Variants in TEAD3 observed in about 807,000 individuals in gnomAD.
TEAD3 encodes the protein transcriptional enhancer factor TEF-5.
In TEAD3, 15 loss-of-function variants were observed where a neutral mutation model predicts 55.6. The ratio of observed to expected loss-of-function variants is 0.27; its 90% confidence interval spans 0.18 to 0.42. The LOEUF is 0.42. TEAD3 is among the 10% of genes least tolerant of loss of function. The pLI, the probability that TEAD3 is intolerant of heterozygous loss-of-function variation, is 1.00. For missense variants in TEAD3, 407 were observed against 576.8 expected (o/e 0.71, Z 3.01); for synonymous variants, 210 against 232.2 (o/e 0.90, Z 0.87).
rs1478857664 is a variant in TEAD3 at position 35,486,580 on chromosome 6, T to C, written c.83A>G (p.Asp28Gly). 1.2e-6 allele frequency: 2 copies of C among 1,613,444 alleles called. No homozygotes were observed. The highest frequency in any genetic ancestry group is 1.3e-5 in the African/African-American group (1 of 74,942). The stretch of plus-strand genomic sequence containing the variant: ...GCTCCACACGCCCTCCGCATCGTTG[T>C]CCAGCCCCTTGTCCAGGCCCTCGGG... Residue 28 changes from aspartate (D) to glycine (G), a missense_variant, in exon 2 of 13, where the codon GAC becomes GGC. By Grantham distance (94) the Asp-to-Gly change is moderately conservative. Coordinates refer to ENST00000639578, the Ensembl canonical transcript of TEAD3. This position sits in a 1 kb window ranked among gnomAD's most constrained non-coding sequence, Gnocchi z 7.3.
In TEAD3 at chr6:35,484,720, C is replaced by T; in HGVS notation, c.203-96G>A. ...ACCGGGAAGCCACTCCAGGACCCTCCCCAAAACACTGCTCTTCTGTTCCTC... is the reference window on the plus strand; with the variant it reads ...ACCGGGAAGCCACTCCAGGACCCTCTCCAAAACACTGCTCTTCTGTTCCTC... On this transcript the variant is annotated intron_variant, in intron 2 of 12. Coordinates refer to ENST00000639578, the Ensembl canonical transcript of TEAD3. The surrounding 1 kb of genome is among the most constrained non-coding windows in gnomAD (Gnocchi z 5.8). 1 of 1,025,798 alleles carries T rather than the reference C, an allele frequency of 9.7e-7. No individual in the cohort carries two copies. Among genetic ancestry groups the T allele is most frequent in the Non-Finnish European group, 1.5e-6 (1 of 673,174 alleles). 63.5% of individuals were successfully genotyped at this position (1,025,798 alleles called of 1,614,324 possible).
At chr6:35,473,748 A>G (rs1423700958), downstream of TEAD3, 1 of 152,176 alleles carries the variant, frequency 6.6e-6, no homozygotes, top group Non-Finnish European at 1.5e-5. Flanking sequence ...ACAAAAAAAT[A>G]TATAATATAC....
In TEAD3 at chr6:35,483,974, GT is replaced by G. The variant is rs1768315561; in HGVS notation, c.267+585del. 6.6e-6 allele frequency among the ~76,000 whole-genome samples: 1 copy of G among 152,132 alleles called. No homozygotes were observed. The highest frequency in any genetic ancestry group is 6.5e-5 in the Admixed American group (1 of 15,278). ...CTGTATGGGTTTACCATGATTATTA[GT>G]TGTATATCCAACTTCCTCAGCCTGG... On this transcript the variant is annotated intron_variant, in intron 3 of 12. Transcript: ENST00000639578. The surrounding 1 kb of genome is among the most constrained non-coding windows in gnomAD (Gnocchi z 4.5).
chr6:35,480,662 T>C (rs1220474985), intron 3 of TEAD3, among the ~76,000 whole-genome samples: 2 of 152,160 alleles, frequency 1.3e-5, no homozygotes, highest in Non-Finnish European at 1.5e-5. Context: ...TTCTGTTCTC[T>C]TTTTGGTCTT....
chr6:35,475,014 C>G lies in TEAD3; in HGVS notation c.*30G>C. 1 of 1,503,500 alleles carries G rather than the reference C, an allele frequency of 6.7e-7. No homozygotes were observed. The highest frequency in any genetic ancestry group is 8.9e-7 in the Non-Finnish European group (1 of 1,117,550). 93.1% of individuals were successfully genotyped at this position (1,503,500 alleles called of 1,614,324 possible). A position where few individuals can be genotyped will look rare whatever the true frequency, so the allele number is the denominator to read the frequency against. On this transcript the variant is annotated 3_prime_UTR_variant, in exon 13 of 13. Transcript: ENST00000639578. This position sits in a 1 kb window ranked among gnomAD's most constrained non-coding sequence, Gnocchi z 5.4. ...CAGGTGTGGAGAGGAGATGCTCACC[C>G]TGCATCCTTAAGGAGGCGCAGAGGG... is the stretch of plus-strand genomic sequence containing the variant.
At chr6:35,476,557 T>A in intron 8 of TEAD3, 122 bp from the exon 9 acceptor site, 1 of 1,226,374 alleles carries the variant, frequency 8.2e-7, no homozygotes, top group Non-Finnish European at 1.2e-6. Flanking sequence ...TTGACTCCCC[T>A]ACTATGTGTC....
rs374260813 is a variant in TEAD3 at position 35,475,031 on chromosome 6, C to T, written c.*13G>A. 5.6e-5 allele frequency: 86 copies of T among 1,545,850 alleles called. No individual in the cohort carries two copies. The highest frequency in any genetic ancestry group is 1.7e-4 in the Middle Eastern group (1 of 5,878). On this transcript the variant is annotated 3_prime_UTR_variant, in exon 13 of 13. Transcript: ENST00000639578. This position sits in a 1 kb window ranked among gnomAD's most constrained non-coding sequence, Gnocchi z 5.4. ...TGCTCACCCTGCATCCTTAAGGAGG[C>T]GCAGAGGGCACCCTAGTCTTTGACG...
chr6:35,479,985 G>A (rs998540556), intron 4 of TEAD3: 5 of 1,304,136 alleles, frequency 3.8e-6, no homozygotes, highest in African/African-American at 1.5e-5. Flanking sequence ...TCCCAGGCTG[G>A]AGCCACAGAG....
chr6:35,476,819 C>T (rs928208045), intron 8 of TEAD3, among the ~76,000 whole-genome samples: 7 of 130,794 alleles, frequency 5.4e-5, no homozygotes, highest in African/African-American at 2.2e-4. Flanking sequence ...TGTGTATTGG[C>T]TATGGTTTTT....
chr6:35,476,219 A>G, intron 9 of TEAD3, 83 bp downstream of exon 9: 2 of 1,561,650 alleles, frequency 1.3e-6, no homozygotes, highest in Non-Finnish European at 1.7e-6. Context: ...CCCAACCCCC[A>G]GATCCTGAGT....
In TEAD3 at chr6:35,475,859, G is replaced by A. The variant is rs1768134195; in HGVS notation, c.900+60C>T. On this transcript the variant is annotated intron_variant, in intron 10 of 12. Coordinates refer to ENST00000639578, the Ensembl canonical transcript of TEAD3. This position sits in a 1 kb window ranked among gnomAD's most constrained non-coding sequence, Gnocchi z 5.4. ...GTCAGAGGTCAATGCAGTGGGCCTG[G>A]ATGTTGCACCTCTGGGGTGGGGAAG... 6.7e-7 allele frequency: 1 copy of A among 1,499,680 alleles called. No homozygotes were observed. The highest frequency in any genetic ancestry group is 2.3e-5 in the East Asian group (1 of 43,760). The allele number at this position is 1,499,680 out of a possible 1,614,324, so 92.9% of individuals were successfully genotyped here.
At position 35,491,075 on chromosome 6, in the gene TEAD3, T is replaced by A. The variant is rs1463866181; in HGVS notation, c.-49-4364A>T. ...GGGAGAGTCTGGGGCAAAGAGAAGCTGAGGTGAACCCAGAGAGAAAACAGA... is the reference window on the plus strand; with the variant it reads ...GGGAGAGTCTGGGGCAAAGAGAAGCAGAGGTGAACCCAGAGAGAAAACAGA... On this transcript the variant is annotated intron_variant, in intron 1 of 12. Coordinates refer to ENST00000639578, the Ensembl canonical transcript of TEAD3. This position sits in a 1 kb window ranked among gnomAD's most constrained non-coding sequence, Gnocchi z 4.4. 6.6e-6 allele frequency among the ~76,000 whole-genome samples: 1 copy of A among 150,900 alleles called. No homozygotes were observed. Among genetic ancestry groups the A allele is most frequent in the Non-Finnish European group, 1.5e-5 (1 of 67,702 alleles).
exon 13 of TEAD3, chr6:35,474,917 CTCCTGGGTCCTGG>C: frequency 1.3e-6 from 1 of 746,480 alleles, no homozygotes; most frequent in Non-Finnish European, 2.2e-6. Context: ...GTGGGGAGGC[CTCCTGGGTCCTGG>C]GCCTGAGGCC....
intron 1 of TEAD3, among the ~76,000 whole-genome samples, chr6:35,492,533 G>T (rs1350092103): frequency 2.0e-5 from 3 of 152,180 alleles, no homozygotes; most frequent in Non-Finnish European, 4.4e-5. Context: ...CTGGAACAGG[G>T]TCTCAATTTT....
At chr6:35,474,927 C>T in exon 13 of TEAD3, 1 of 847,896 alleles carries the variant, frequency 1.2e-6, no homozygotes, top group Non-Finnish European at 1.8e-6. Context: ...CTCCTGGGTC[C>T]TGGGCCTGAG....
chr6:35,486,712 C>CT lies in TEAD3; in HGVS notation c.-49-2dup. 1.3e-6 allele frequency: 2 copies of CT among 1,587,450 alleles called. No homozygotes were observed. The highest frequency in any genetic ancestry group is 1.7e-6 in the Non-Finnish European group (2 of 1,164,258). ...GCCTGAGCCCACTGGGCGGCTGAGCCTGGGGGACAGACAGACAGGAACTGG... is the reference window on the plus strand; with the variant it reads ...GCCTGAGCCCACTGGGCGGCTGAGCCTTGGGGGACAGACAGACAGGAACTGG... On this transcript the variant is annotated splice_acceptor_variant, in intron 1 of 12. Coordinates refer to ENST00000639578, the Ensembl canonical transcript of TEAD3. LOFTEE classifies it low-confidence loss of function (5UTR_SPLICE). The surrounding 1 kb of genome is among the most constrained non-coding windows in gnomAD (Gnocchi z 7.3).
chr6:35,482,427 C>T (rs1028821338), intron 3 of TEAD3, among the ~76,000 whole-genome samples: 1 of 152,182 alleles, frequency 6.6e-6, no homozygotes, highest in Admixed American at 6.5e-5. Context: ...GAGTTTCATC[C>T]TTGTACCTTA....
intron 1 of TEAD3, among the ~76,000 whole-genome samples, chr6:35,493,553 T>C (rs1768578498): frequency 6.6e-6 from 1 of 152,204 alleles, no homozygotes; most frequent in Non-Finnish European, 1.5e-5. Flanking sequence ...TATTCATGCT[T>C]GGCACATGTC....
chr6:35,493,348 A>G (rs1768571718), intron 1 of TEAD3, among the ~76,000 whole-genome samples: 1 of 151,992 alleles, frequency 6.6e-6, no homozygotes, highest in Non-Finnish European at 1.5e-5. Context: ...ACAGGCCCCC[A>G]AAAGCATCCC....
Sources: allele counts gnomAD v4.1 joint callset (sites outside exome capture counted in the v4.1 genomes callset), GRCh38; gene constraint gnomAD v4.1.1; non-coding constraint Gnocchi (gnomAD v3.1); transcripts MANE v1.5; gene names NCBI Gene and HGNC (gene_info 2026-07-23, HGNC 2026-07-21).